Variants in OTUD5 observed in about 807,000 individuals in gnomAD.
OTUD5 encodes OTU deubiquitinase 5.
OTUD5 carries 2 observed loss-of-function variants against 36.3 expected under a neutral mutation model. The observed-to-expected ratio is 0.06, with a 90% CI of 0.02 to 0.17. OTUD5 has a LOEUF of 0.17. OTUD5 is among the 10% of genes least tolerant of loss of function. The probability of loss-of-function intolerance (pLI) is 1.00; values close to 1 mark genes in which losing one functional copy is unlikely to be tolerated. For synonymous variants in OTUD5, 234 were observed against 214.9 expected, an observed-to-expected ratio of 1.09 and a Z score of -0.78; for missense variants, 233 against 512.3, an observed-to-expected ratio of 0.45 and a Z score of 5.26.
intron 5 of OTUD5, among the ~76,000 whole-genome samples, chrX:48,928,039 G>A (rs1356932918): frequency 8.9e-6 from 1 of 112,913 alleles, no homozygotes; most frequent in Admixed American, 9.4e-5. Flanking sequence ...AACAGCATTT[G>A]CCAATAGGCA....
Position 48,956,310 on chromosome X carries a change from G to GGT in OTUD5, c.594+666_594+667insAC, listed in dbSNP as rs1206173649. Among the ~76,000 whole-genome samples, 4 of 30,404 alleles carry GGT rather than the reference G, an allele frequency of 1.3e-4. No individual in the cohort carries two copies. In the East Asian group the frequency reaches 0.01, roughly 77 times the overall value. 26.4% of individuals were successfully genotyped at this position (30,404 alleles called of 115,157 possible). On this transcript the variant is annotated intron_variant, in intron 1 of 8. Coordinates refer to ENST00000376488, the MANE Select transcript of OTUD5 (RefSeq NM_001136157.2). ...TTAGAAGATCCCTATCCTTAAAGGG[G>GGT]GCGTGTGTGTGTGTGTGTGTGTCAG...
At chrX:48,947,195 A>G (rs2064043610) in intron 1 of OTUD5, among the ~76,000 whole-genome samples, 2 of 111,403 alleles carry the variant, frequency 1.8e-5, no homozygotes, top group South Asian at 3.7e-4. Context: ...CCTGGCCAAC[A>G]TGGTAAAACC....
rs1557047674 is a variant in OTUD5, at chrX:48,926,053, G to A, written c.1060-3C>T. 8.4e-7 allele frequency: 1 copy of A among 1,194,850 alleles called. No homozygotes were observed. Among genetic ancestry groups the A allele is most frequent in the Non-Finnish European group, 1.1e-6 (1 of 881,150 alleles). ...TTCATCAGAGACTGCTCTGCAAACT[G>A]CAAGGAGGGAGAGGAACAGGGATGT... On this transcript the variant is annotated splice_polypyrimidine_tract_variant and splice_region_variant and intron_variant, in intron 5 of 8. Coordinates refer to ENST00000376488, the MANE Select transcript of OTUD5 (RefSeq NM_001136157.2).
In OTUD5 at chrX:48,942,244, T is replaced by TACACACACACACACACACAC. The variant is rs1188711919; in HGVS notation, c.688+1926_688+1945dup. Among the ~76,000 whole-genome samples, 94 of 57,020 alleles carry TACACACACACACACACACAC rather than the reference T, an allele frequency of 1.6e-3. 3 individuals carry two copies. The highest frequency in any genetic ancestry group is 0.014 in the Middle Eastern group (1 of 72). The allele number at this position is 57,020 out of a possible 115,157, so 49.5% of individuals were successfully genotyped here. A position where few individuals can be genotyped will look rare whatever the true frequency, so the allele number is the denominator to read the frequency against. ...ACAGCTAGCTAGATACACACACACA[T>TACACACACACACACACACAC]ACACACACACACACACACACACACA... On this transcript the variant is annotated intron_variant, in intron 2 of 8. Transcript: ENST00000376488.
intron 2 of OTUD5, among the ~76,000 whole-genome samples, chrX:48,938,038 C>T (rs1179105517): frequency 6.3e-5 from 7 of 111,982 alleles, no homozygotes; most frequent in Non-Finnish European, 1.3e-4. Flanking sequence ...AAATTAATAT[C>T]GAATTAACAA....
chrX:48,941,776 A>G (rs1167820518), intron 2 of OTUD5, among the ~76,000 whole-genome samples: 1 of 111,696 alleles, frequency 9.0e-6, no homozygotes, highest in African/African-American at 3.3e-5. Context: ...GCTGACTGCC[A>G]TCTGTCCCCA....
At chrX:48,952,984 G>A (rs1055891724) in intron 1 of OTUD5, among the ~76,000 whole-genome samples, 1 of 112,256 alleles carries the variant, frequency 8.9e-6, no homozygotes, top group Non-Finnish European at 1.9e-5. Context: ...AGGAAGAACC[G>A]GCCAAGGTCC....
intron 6 of OTUD5, among the ~76,000 whole-genome samples, chrX:48,924,347 C>T (rs1207928062): frequency 9.0e-6 from 1 of 111,680 alleles, no homozygotes; most frequent in Non-Finnish European, 1.9e-5. Flanking sequence ...CCAGCACTGG[C>T]CACCAGTCAC....
At chrX:48,932,235 T>G (rs2063766974) in intron 5 of OTUD5, among the ~76,000 whole-genome samples, 1 of 109,700 alleles carries the variant, frequency 9.1e-6, no homozygotes, top group Non-Finnish European at 1.9e-5. Flanking sequence ...GAAGGATATG[T>G]GGGAATTCTG....
upstream of OTUD5, chrX:48,957,809 C>T: frequency 1.3e-6 from 1 of 769,859 alleles, no homozygotes; most frequent in Non-Finnish European, 1.5e-6. Flanking sequence ...AAGATGAAGG[C>T]AGTGCGGCGA....
Position 48,922,903 on chromosome X carries a change from C to T in OTUD5, c.*271G>A, listed in dbSNP as rs1048100819. ...CTTGTCTATCTTCGGCACCCTTGCC[C>T]GAGTCCCCTGTGGAATGCAGGGATG... On this transcript the variant is annotated 3_prime_UTR_variant, in exon 9 of 9. Coordinates refer to ENST00000376488, the MANE Select transcript of OTUD5 (RefSeq NM_001136157.2). The T allele has an allele frequency of 1.3e-5, 13 of 965,615 alleles. No individual in the cohort carries two copies. Among genetic ancestry groups the T allele is most frequent in the East Asian group, 4.7e-5 (1 of 21,272 alleles). 79.6% of individuals were successfully genotyped at this position (965,615 alleles called of 1,213,427 possible).
At chrX:48,948,541 C>T (rs2064073641) in intron 1 of OTUD5, among the ~76,000 whole-genome samples, 1 of 111,268 alleles carries the variant, frequency 9.0e-6, no homozygotes, top group African/African-American at 3.3e-5. Context: ...ATGAAAGAGA[C>T]CTGAATAGGC....
intron 1 of OTUD5, among the ~76,000 whole-genome samples, chrX:48,946,904 G>A (rs1251581233): frequency 4.4e-5 from 5 of 112,556 alleles, no homozygotes; most frequent in Non-Finnish European, 9.4e-5. Flanking sequence ...ATCCATTCAA[G>A]AAAGACTTAC....
chrX:48,954,068 GCCTCT>G (rs1183050063), intron 1 of OTUD5, among the ~76,000 whole-genome samples: 1 of 111,104 alleles, frequency 9.0e-6, no homozygotes, highest in Non-Finnish European at 1.9e-5. Flanking sequence ...GGGACAGAAA[GCCTCT>G]CCTGTCATTG....
chrX:48,932,487 G>A (rs2063770733), intron 5 of OTUD5, among the ~76,000 whole-genome samples: 1 of 109,543 alleles, frequency 9.1e-6, no homozygotes, highest in South Asian at 4.0e-4. Context: ...ACCACACCCG[G>A]CTAATTTTTT....
intron 1 of OTUD5, among the ~76,000 whole-genome samples, chrX:48,946,953 G>A (rs1221921604): frequency 8.9e-6 from 1 of 112,523 alleles, no homozygotes; most frequent in African/African-American, 3.2e-5. Flanking sequence ...TGGGCAGTGA[G>A]GACAGTGAAA....
At chrX:48,943,795 G>C (rs1158553738) in intron 2 of OTUD5, among the ~76,000 whole-genome samples, 1 of 109,866 alleles carries the variant, frequency 9.1e-6, no homozygotes, top group Non-Finnish European at 1.9e-5. Context: ...CCCAGACACT[G>C]AATCCCAACT....
At chrX:48,936,493 C>T (rs1184540980) in intron 2 of OTUD5, 2 of 111,651 alleles carry the variant, frequency 1.8e-5, no homozygotes, top group Non-Finnish European at 3.8e-5. Flanking sequence ...GCGATCCTCT[C>T]GCCTCAGACT....
Position 48,944,197 on chromosome X carries a change from C to A in OTUD5, c.681G>T (p.Arg227=). 1 of 1,200,200 alleles carries A rather than the reference C, an allele frequency of 8.3e-7. No homozygotes were observed. The highest frequency in any genetic ancestry group is 1.8e-5 in the South Asian group (1 of 56,468). ...QMKEDGACLF[R]AVADQVYGDQ... Reference sequence around the variant, plus strand: ...ACTAAGGCAGAGACTCACCTACAGCCCGGAAGAGACAGGCGCCATCCTCCT... The same window carrying A: ...ACTAAGGCAGAGACTCACCTACAGCACGGAAGAGACAGGCGCCATCCTCCT... Residue 227 remains arginine (R), a synonymous_variant, in exon 2 of 9, where the codon CGG becomes CGT. Transcript: ENST00000376488.
Sources: allele counts gnomAD v4.1 joint callset (sites outside exome capture counted in the v4.1 genomes callset), GRCh38; gene constraint gnomAD v4.1.1; transcripts MANE v1.5; gene names NCBI Gene and HGNC (gene_info 2026-07-23, HGNC 2026-07-21).